Variants in CNOT3 observed in about 807,000 individuals in gnomAD.
CNOT3 encodes the protein CCR4-associated factor 3.
In CNOT3, 2 loss-of-function variants were observed where a neutral mutation model predicts 89.4. That is an observed-to-expected ratio of 0.02 (90% CI 0.01 to 0.07). The LOEUF (loss-of-function observed/expected upper bound fraction) is 0.07, where lower values mean the gene tolerates loss of function less well. Ranked by LOEUF, CNOT3 falls within the 10% of genes least tolerant of loss-of-function variation. The probability of loss-of-function intolerance (pLI) is 1.00; values close to 1 mark genes in which losing one functional copy is unlikely to be tolerated. For synonymous variants in CNOT3, 486 were observed against 402.0 expected (o/e 1.21, Z -2.50); for missense variants, 664 against 1,010.2 (o/e 0.66, Z 4.65).
At chr19:54,150,576 GCTGTC>G (rs1293744866) in intron 13 of CNOT3, among the ~76,000 whole-genome samples, 175 of 109,018 alleles carry the variant, frequency 1.6e-3, no homozygotes, top group African/African-American at 6.1e-3. Flanking sequence ...GTATGCCCAG[GCTGTC>G]CAGGAGGCAG....
At chr19:54,138,480 G>A (rs1196287949) in intron 1 of CNOT3, among the ~76,000 whole-genome samples, 1 of 152,104 alleles carries the variant, frequency 6.6e-6, no homozygotes, top group African/African-American at 2.4e-5. Flanking sequence ...CCTCCGCGCC[G>A]GGGCTTCTCC....
intron 13 of CNOT3, among the ~76,000 whole-genome samples, chr19:54,150,568 A>G (rs952612366): frequency 1.2e-5 from 1 of 82,014 alleles, no homozygotes; most frequent in Non-Finnish European, 3.2e-5. Flanking sequence ...ACCAGTGTGT[A>G]TGCCCAGGCT....
rs745356132 is a variant in CNOT3, at chr19:54,155,298, C to T, written c.2164-11C>T. 3 of 1,612,338 alleles carry T rather than the reference C, an allele frequency of 1.9e-6. No individual in the cohort carries two copies. Among genetic ancestry groups the T allele is most frequent in the Non-Finnish European group, 2.5e-6 (3 of 1,179,310 alleles). On this transcript the variant is annotated splice_polypyrimidine_tract_variant and intron_variant, in intron 17 of 17. Coordinates refer to ENST00000221232, the MANE Select transcript of CNOT3 (RefSeq NM_014516.4). ...CTCGTCCACTCACTGACCGCCTTCT[C>T]CCCCGGCCAGGGCACCTACATCTAC...
chr19:54,148,499 G>A lies in CNOT3; in HGVS notation c.1246G>A (p.Ala416Thr), dbSNP rs1312209862. 1.9e-6 allele frequency: 3 copies of A among 1,559,960 alleles called. No individual in the cohort carries two copies. Among genetic ancestry groups the A allele is most frequent in the Admixed American group, 1.8e-5 (1 of 55,206 alleles). Reference protein sequence around the residue: ...GGSSSSSNSSAGGGAGKQNGA... With the variant: ...GGSSSSSNSSTGGGAGKQNGA... The stretch of plus-strand genomic sequence containing the variant: ...GAGCAGCAGCAGTAGTAACAGCAGT[G>A]CCGGTGGAGGGGCTGGCAAGCAGAA... The change falls in exon 11 of 18, where the codon GCC (alanine) becomes ACC (threonine). Residue 416 changes from alanine (A) to threonine (T), a missense_variant. Around this residue, in one of 8 missense-constraint regions of CNOT3, gnomAD observed 545 missense variants for 566.2 expected, o/e 0.96. Transcript: ENST00000221232. The surrounding 1 kb of genome is among the most constrained non-coding windows in gnomAD (Gnocchi z 6.3).
rs768274879 is a variant in CNOT3, at chr19:54,149,645, G to C, written c.1492G>C (p.Val498Leu). 1 of 1,613,954 alleles carries C rather than the reference G, an allele frequency of 6.2e-7. No individual in the cohort carries two copies. The highest frequency in any genetic ancestry group is 1.1e-5 in the South Asian group (1 of 91,048). Residue 498 changes from valine to leucine, a missense_variant, in exon 13 of 18, where the codon GTG becomes CTG. By Grantham distance (32) the Val-to-Leu change is conservative. Transcript: ENST00000221232. The stretch of plus-strand genomic sequence containing the variant: ...CAACTCAGGGGGACCCAGCCTCCTG[G>C]TGCCACTGCCTGTGAATCCTCCCAG... ...GNNSGGPSLL[V>L]PLPVNPPSSP...
At position 54,146,492 on chromosome 19, in the gene CNOT3, C is replaced by T. The variant is rs587695712; in HGVS notation, c.838-109C>T. Reference sequence around the variant, plus strand: ...ACAGCCATTTGACCAGCTCTGGGGCCGCAATGGCAGTCAATTGGGCCCAGG... The same window carrying T: ...ACAGCCATTTGACCAGCTCTGGGGCTGCAATGGCAGTCAATTGGGCCCAGG... On this transcript the variant is annotated intron_variant, in intron 9 of 17. Transcript: ENST00000221232. 2.3e-4 allele frequency: 170 copies of T among 747,458 alleles called. 3 individuals are homozygous for T. Among genetic ancestry groups the T allele is most frequent in the South Asian group, 2.1e-3 (141 of 68,746 alleles). 46.3% of individuals were successfully genotyped at this position (747,458 alleles called of 1,614,324 possible). A position where few individuals can be genotyped will look rare whatever the true frequency, so the allele number is the denominator to read the frequency against.
At position 54,146,055 on chromosome 19, in the gene CNOT3, C is replaced by T. The variant is rs772361275; in HGVS notation, c.837+12C>T. On this transcript the variant is annotated intron_variant, in intron 9 of 17. Coordinates refer to ENST00000221232, the MANE Select transcript of CNOT3 (RefSeq NM_014516.4). ...CCAACTGTACCACGGTGAGGCCCCA[C>T]GGGACACTAGTACCTTGTGTTTCCA... 46 of 1,611,712 alleles carry T rather than the reference C, an allele frequency of 2.9e-5. No individual in the cohort carries two copies. Among genetic ancestry groups the T allele is most frequent in the Admixed American group, 8.3e-5 (5 of 59,980 alleles).
At chr19:54,142,277 G>A (rs1483111673) in intron 1 of CNOT3, 2 of 152,684 alleles carry the variant, frequency 1.3e-5, no homozygotes, top group Non-Finnish European at 2.9e-5. Flanking sequence ...TTGGTTTAAG[G>A]ATCCTGCTCT....
chr19:54,152,821 C>T (rs754817015), intron 15 of CNOT3, 46 bp from the exon 16 acceptor site: 3 of 951,258 alleles, frequency 3.2e-6, no homozygotes, highest in Non-Finnish European at 1.7e-6. Flanking sequence ...TTGATCACGA[C>T]AGGACTAGTA....
intron 17 of CNOT3, chr19:54,154,365 C>G (rs11606): frequency 0.33 from 83,564 of 255,304 alleles, 15,395 homozygotes; most frequent in Non-Finnish European, 0.42. Flanking sequence ...TCAGCCCAGT[C>G]CAGCTGGGCG....
chr19:54,148,077 C>A lies in CNOT3; in HGVS notation c.895-71C>A. ...GAGGCTGCTGGGACAAAGATGGAGC[C>A]TGAGGTGGGGGTGGTGAGGGAGACC... On this transcript the variant is annotated intron_variant, in intron 10 of 17. Transcript: ENST00000221232. The surrounding 1 kb of genome is among the most constrained non-coding windows in gnomAD (Gnocchi z 6.3). The A allele has an allele frequency of 8.2e-7, 1 of 1,215,590 alleles. No individual in the cohort carries two copies. Among genetic ancestry groups the A allele is most frequent in the Non-Finnish European group, 1.1e-6 (1 of 913,910 alleles). 75.3% of individuals were successfully genotyped at this position (1,215,590 alleles called of 1,614,324 possible).
At position 54,155,620 on chromosome 19, in the gene CNOT3, A is replaced by G. The variant is rs1368529501; in HGVS notation, c.*213A>G. 8.0e-7 allele frequency: 1 copy of G among 1,252,156 alleles called. No homozygotes were observed. The highest frequency in any genetic ancestry group is 1.1e-6 in the Non-Finnish European group (1 of 905,158). 77.6% of individuals were successfully genotyped at this position (1,252,156 alleles called of 1,614,324 possible). ...CCCCTCCTCCCCTCCCCAGTGAGGG[A>G]CATTTTTTGGTAAACCTATTTTCAT... On this transcript the variant is annotated 3_prime_UTR_variant, in exon 18 of 18. Coordinates refer to ENST00000221232, the MANE Select transcript of CNOT3 (RefSeq NM_014516.4).
chr19:54,150,535 T>G (rs1457387117), intron 13 of CNOT3, among the ~76,000 whole-genome samples: 1 of 111,586 alleles, frequency 9.0e-6, no homozygotes, highest in Non-Finnish European at 2.1e-5. Context: ...GCCAGTATAC[T>G]GTAGCGCAGC....
chr19:54,150,599 G>C (rs587684633), intron 13 of CNOT3, among the ~76,000 whole-genome samples: 3 of 113,238 alleles, frequency 2.6e-5, no homozygotes, highest in African/African-American at 1.1e-4. Flanking sequence ...CAGTGTGCGC[G>C]CCCAGGCTGT....
chr19:54,140,253 C>A (rs945260624), intron 1 of CNOT3, among the ~76,000 whole-genome samples: 2 of 152,150 alleles, frequency 1.3e-5, no homozygotes, highest in South Asian at 2.1e-4. Flanking sequence ...CACCTCCCCC[C>A]ACCCCGCCAC....
intron 10 of CNOT3, among the ~76,000 whole-genome samples, chr19:54,147,478 C>A (rs998048105): frequency 3.9e-5 from 6 of 152,366 alleles, no homozygotes; most frequent in Middle Eastern, 6.8e-3. Flanking sequence ...CAGGCCCCCA[C>A]TGCCAAGCAG....
rs775209635 is a variant in CNOT3, at chr19:54,144,425, G to C, written c.483+93G>C. 9 of 938,072 alleles carry C rather than the reference G, an allele frequency of 9.6e-6. No homozygotes were observed. The South Asian group carries it at 9.8e-5, about 10-fold the overall frequency. The allele number at this position is 938,072 out of a possible 1,614,324, so 58.1% of individuals were successfully genotyped here. On this transcript the variant is annotated intron_variant, in intron 7 of 17. Coordinates refer to ENST00000221232, the MANE Select transcript of CNOT3 (RefSeq NM_014516.4). This position sits in a 1 kb window ranked among gnomAD's most constrained non-coding sequence, Gnocchi z 4.8. The stretch of plus-strand genomic sequence containing the variant: ...CCAGTCATTTATGCTCCTGGGAGTT[G>C]GGGCCTGGATTCCTCAGGCGGACAG...
rs1555801471 is a variant in CNOT3 at position 54,143,342 on chromosome 19, T to TGC, written c.94-99_94-98insCG. 64 of 947,940 alleles carry TGC rather than the reference T, an allele frequency of 6.8e-5. 1 individual carries two copies. The highest frequency in any genetic ancestry group is 9.2e-5 in the South Asian group (7 of 76,336). 58.7% of individuals were successfully genotyped at this position (947,940 alleles called of 1,614,324 possible). A position where few individuals can be genotyped will look rare whatever the true frequency, so the allele number is the denominator to read the frequency against. On this transcript the variant is annotated intron_variant, in intron 3 of 17. Coordinates refer to ENST00000221232, the MANE Select transcript of CNOT3 (RefSeq NM_014516.4). ...TCTAAGATGGATTGGGGGTAGGGGT[T>TGC]GGGGGGGGTCCTCGAGTCCCTAGCA...
chr19:54,138,298 C>G (rs1600392773), intron 1 of CNOT3, among the ~76,000 whole-genome samples: 1 of 152,316 alleles, frequency 6.6e-6, no homozygotes, highest in Middle Eastern at 3.4e-3. Context: ...GTCGGGCCCC[C>G]CGGTAGGGGT....
Sources: allele counts gnomAD v4.1 joint callset (sites outside exome capture counted in the v4.1 genomes callset), GRCh38; gene constraint gnomAD v4.1.1; regional missense constraint gnomAD v4.1.1; non-coding constraint Gnocchi (gnomAD v3.1); transcripts MANE v1.5; gene names NCBI Gene and HGNC (gene_info 2026-07-23, HGNC 2026-07-21).